The following FNDC3B variants were observed in gnomAD, a reference collection of about 807,000 sequenced individuals.
FNDC3B encodes fibronectin type III domain containing 3B.
FNDC3B carries 12 observed loss-of-function variants against 151.5 expected under a neutral mutation model. That is an observed-to-expected ratio of 0.08 (90% CI 0.05 to 0.13). The LOEUF is 0.13. Among genes scored for constraint, FNDC3B ranks in the 10% least tolerant of loss-of-function variants. FNDC3B has a pLI of 1.00. For missense variants in FNDC3B, 1,214 were observed against 1,505.3 expected (o/e 0.81, Z 3.20); for synonymous variants, 528 against 549.0 (o/e 0.96, Z 0.54).
intron 16 of FNDC3B, among the ~76,000 whole-genome samples, chr3:172,339,718 G>A (rs1576926810): frequency 1.3e-5 from 2 of 152,194 alleles, no homozygotes; most frequent in East Asian, 3.8e-4. Context: ...TTTAGCTACT[G>A]ATGACAAATC....
chr3:172,338,806 G>A lies in FNDC3B; in HGVS notation c.1852+1405G>A, dbSNP rs1257980331. On this transcript the variant is annotated intron_variant, in intron 16 of 25. Transcript: ENST00000415807. ...CGACAGAGTGCAGTGGCGTGATCTC[G>A]GCTCACTGCAAGCTCCGCCTCCTGG... Among the ~76,000 whole-genome samples, 3 of 151,984 alleles carry A rather than the reference G, an allele frequency of 2.0e-5. No individual in the cohort carries two copies. In the South Asian group the frequency reaches 6.2e-4, roughly 31 times the overall value.
intron 3 of FNDC3B, among the ~76,000 whole-genome samples, chr3:172,160,354 C>T (rs1307705202): frequency 6.6e-6 from 1 of 152,170 alleles, no homozygotes; most frequent in East Asian, 1.9e-4. Context: ...CTTTGCATTT[C>T]CCTTGGCTCC....
chr3:172,224,023 G>A (rs1465521746), intron 3 of FNDC3B, among the ~76,000 whole-genome samples: 4 of 152,216 alleles, frequency 2.6e-5, no homozygotes, highest in Non-Finnish European at 4.4e-5. Flanking sequence ...TCAAGGTCAC[G>A]CAACCAGTGT....
intron 3 of FNDC3B, among the ~76,000 whole-genome samples, chr3:172,208,123 A>C (rs1725525086): frequency 6.6e-6 from 1 of 152,188 alleles, no homozygotes; most frequent in African/African-American, 2.4e-5. Flanking sequence ...TTAAGATCTG[A>C]ACCTTTATTT....
intron 1 of FNDC3B, among the ~76,000 whole-genome samples, chr3:172,096,210 A>T (rs1416571538): frequency 6.6e-6 from 1 of 152,166 alleles, no homozygotes; most frequent in East Asian, 1.9e-4. Flanking sequence ...TATAGTTGTG[A>T]AATAGGTGCT....
At chr3:172,173,560 C>T (rs187138490) in intron 3 of FNDC3B, among the ~76,000 whole-genome samples, 108 of 148,990 alleles carry the variant, frequency 7.2e-4, no homozygotes, top group South Asian at 4.2e-3. Context: ...TTTGGGAGGC[C>T]GAGGCGGGAG....
intron 25 of FNDC3B, among the ~76,000 whole-genome samples, chr3:172,383,194 A>C (rs968779367): frequency 1.3e-5 from 2 of 152,126 alleles, no homozygotes; most frequent in Non-Finnish European, 2.9e-5. Context: ...CATCCCTTGT[A>C]AGTTGTATTC....
At chr3:172,120,977 A>C (rs888256390) in intron 2 of FNDC3B, among the ~76,000 whole-genome samples, 6 of 152,076 alleles carry the variant, frequency 3.9e-5, no homozygotes, top group African/African-American at 1.4e-4. Flanking sequence ...AAAAAAAACA[A>C]CAACAACAAC....
intron 3 of FNDC3B, among the ~76,000 whole-genome samples, chr3:172,172,421 TA>T (rs1723330216): frequency 6.6e-6 from 1 of 152,250 alleles, no homozygotes; most frequent in African/African-American, 2.4e-5. Flanking sequence ...ATTTCTGGGT[TA>T]TTTTTAGTGT....
At chr3:172,162,189 G>C (rs2108619408) in intron 3 of FNDC3B, among the ~76,000 whole-genome samples, 1 of 152,236 alleles carries the variant, frequency 6.6e-6, no homozygotes, top group African/African-American at 2.4e-5. Context: ...CTGTTGGCCA[G>C]GCTGTTCTCA....
At chr3:172,368,766 T>C (rs947383589) in intron 23 of FNDC3B, among the ~76,000 whole-genome samples, 1 of 152,150 alleles carries the variant, frequency 6.6e-6, no homozygotes. Context: ...ATCCCAACAC[T>C]TTGGAAGGCC....
intron 2 of FNDC3B, among the ~76,000 whole-genome samples, chr3:172,116,622 A>G (rs370254222): frequency 2.0e-5 from 3 of 152,006 alleles, no homozygotes; most frequent in Non-Finnish European, 4.4e-5. Flanking sequence ...CTGGAGTGCA[A>G]TGGCACGATC....
At chr3:172,235,458 G>T (rs1727104696) in intron 4 of FNDC3B, among the ~76,000 whole-genome samples, 1 of 152,266 alleles carries the variant, frequency 6.6e-6, no homozygotes, top group South Asian at 2.1e-4. Context: ...TAAGGCTCTT[G>T]CCCCTTTTGG....
Position 172,348,882 on chromosome 3 carries a change from T to A in FNDC3B, c.2514+1521T>A, listed in dbSNP as rs2108318836. On this transcript the variant is annotated intron_variant, in intron 21 of 25. Coordinates refer to ENST00000415807, the MANE Select transcript of FNDC3B (RefSeq NM_022763.4). ...AAGGACTATTGCCAGGAAGGGGGTCTGTTCAAACTATACCAATTTATTGTT... is the reference window on the plus strand; with the variant it reads ...AAGGACTATTGCCAGGAAGGGGGTCAGTTCAAACTATACCAATTTATTGTT... Among the ~76,000 whole-genome samples, 3 of 152,338 alleles carry A rather than the reference T, an allele frequency of 2.0e-5. No homozygotes were observed. In the South Asian group the frequency reaches 6.2e-4, roughly 32 times the overall value.
intron 3 of FNDC3B, among the ~76,000 whole-genome samples, chr3:172,206,338 A>G (rs1725419616): frequency 6.6e-6 from 1 of 152,086 alleles, no homozygotes; most frequent in Non-Finnish European, 1.5e-5. Flanking sequence ...TTTGTAAGTT[A>G]TTTCTTGGGA....
intron 3 of FNDC3B, among the ~76,000 whole-genome samples, chr3:172,155,633 C>T (rs35233403): frequency 0.13 from 19,194 of 152,190 alleles, 1,618 homozygotes; most frequent in Non-Finnish European, 0.18. Flanking sequence ...CTATTGCTCG[C>T]CTCTAACTCA....
In FNDC3B at chr3:172,040,353, G is replaced by C. The variant is rs891075273; in HGVS notation, c.-29+582G>C. Among the ~76,000 whole-genome samples, 10 of 152,002 alleles carry C rather than the reference G, an allele frequency of 6.6e-5. No individual in the cohort carries two copies. Among genetic ancestry groups the C allele is most frequent in the African/African-American group, 2.4e-4 (10 of 41,420 alleles). On this transcript the variant is annotated intron_variant, in intron 1 of 25. Coordinates refer to ENST00000415807, the MANE Select transcript of FNDC3B (RefSeq NM_022763.4). This position sits in a 1 kb window ranked among gnomAD's most constrained non-coding sequence, Gnocchi z 6.6. ...GGGGCGGTCGGGGGCCTCGAACCCG[G>C]GGATGCTCGCGGGGAGGGTCCCGAG...
intron 2 of FNDC3B, among the ~76,000 whole-genome samples, chr3:172,125,920 C>A (rs1720788936): frequency 6.6e-6 from 1 of 152,082 alleles, no homozygotes; most frequent in Non-Finnish European, 1.5e-5. Flanking sequence ...CTTTGACTCT[C>A]CTGAAGATGT....
chr3:172,394,919 C>T (rs998769820), intron 25 of FNDC3B, among the ~76,000 whole-genome samples: 19 of 152,176 alleles, frequency 1.2e-4, no homozygotes, highest in South Asian at 8.3e-4. Context: ...ATCCCTGGGA[C>T]GCAAGGATGA....
Sources: allele counts gnomAD v4.1 joint callset (sites outside exome capture counted in the v4.1 genomes callset), GRCh38; gene constraint gnomAD v4.1.1; non-coding constraint Gnocchi (gnomAD v3.1); transcripts MANE v1.5; gene names NCBI Gene and HGNC (gene_info 2026-07-23, HGNC 2026-07-21).